Variants in SLC35F4 observed in about 807,000 individuals in gnomAD.
The protein encoded by SLC35F4 is chromosome 14 open reading frame 36.
Under a neutral mutation model 44.2 loss-of-function variants are expected in SLC35F4, and 24 were observed. The observed-to-expected ratio is 0.54, with a 90% confidence interval of 0.39 to 0.76. The LOEUF (loss-of-function observed/expected upper bound fraction) is 0.76. Ranked by LOEUF, SLC35F4 falls within the 30% of genes least tolerant of loss-of-function variation. SLC35F4 has a pLI of 0.00. For missense variants in SLC35F4, 562 were observed against 586.1 expected (o/e 0.96, Z 0.42); for synonymous variants, 238 against 223.6 (o/e 1.06, Z -0.57).
intron 1 of SLC35F4, among the ~76,000 whole-genome samples, chr14:57,919,128 A>C (rs929836286): frequency 6.6e-6 from 1 of 152,236 alleles, no homozygotes; most frequent in African/African-American, 2.4e-5. Context: ...AGGAACCATG[A>C]GATGGAAGGA....
Position 57,704,849 on chromosome 14 carries a change from C to T in SLC35F4, c.104-110725G>A, listed in dbSNP as rs369420403. ...TGGCCTGTAATCACTCCTTTCCTAG[C>T]AATACTCAGGCAGAAGCTCACCCTG... On this transcript the variant is annotated intron_variant, in intron 1 of 7. Coordinates refer to ENST00000556826, the MANE Select transcript of SLC35F4 (RefSeq NM_001306087.2). Among the ~76,000 whole-genome samples the T allele has an allele frequency of 5.3e-5, 8 of 152,224 alleles. No individual in the cohort carries two copies. In the South Asian group the frequency reaches 1.5e-3, roughly 28 times the overall value.
chr14:57,980,403 T>C (rs1881341744), intron 1 of SLC35F4, among the ~76,000 whole-genome samples: 1 of 152,190 alleles, frequency 6.6e-6, no homozygotes, highest in African/African-American at 2.4e-5. Context: ...AAAAATGTTC[T>C]GGTGGGGTCC....
rs561516053 is a variant in SLC35F4, at chr14:57,843,308, A to G, written c.103+22415T>C. Among the ~76,000 whole-genome samples, 19 of 152,148 alleles carry G rather than the reference A, an allele frequency of 1.2e-4. 1 individual carries two copies. The East Asian group carries it at 3.3e-3, about 26-fold the overall frequency. ...CTCTAATTGCCCTGTTTGAGTTTGT[A>G]TCTGTTTCCTGCCAGGATCCTGACT... is the stretch of plus-strand genomic sequence containing the variant. On this transcript the variant is annotated intron_variant, in intron 1 of 7. Coordinates refer to ENST00000556826, the MANE Select transcript of SLC35F4 (RefSeq NM_001306087.2).
At chr14:57,973,492 A>T (rs1881115973), downstream of SLC35F4, among the ~76,000 whole-genome samples, 2 of 152,158 alleles carry the variant, frequency 1.3e-5, no homozygotes, top group African/African-American at 4.8e-5. Context: ...AGAGGCACAG[A>T]TCTCTGTGGT....
At chr14:57,832,892 A>T (rs575000293) in intron 1 of SLC35F4, among the ~76,000 whole-genome samples, 1 of 152,296 alleles carries the variant, frequency 6.6e-6, no homozygotes, top group East Asian at 1.9e-4. Flanking sequence ...AACGTGGTGA[A>T]ATATTTCAGG....
Position 57,808,109 on chromosome 14 carries a change from T to G in SLC35F4, c.103+57614A>C, listed in dbSNP as rs571150355. On this transcript the variant is annotated intron_variant, in intron 1 of 7. Transcript: ENST00000556826. ...ACCTGGGGATAATGGGAACTACAAT[T>G]CAAGGTGAGAGTTGGGTGGTGACAC... Among the ~76,000 whole-genome samples, 15 of 151,930 alleles carry G rather than the reference T, an allele frequency of 9.9e-5. No individual in the cohort carries two copies. In the South Asian group the frequency reaches 1.0e-3, roughly 11 times the overall value.
chr14:57,608,046 G>C (rs1166798761), intron 1 of SLC35F4, among the ~76,000 whole-genome samples: 1 of 152,144 alleles, frequency 6.6e-6, no homozygotes, highest in Admixed American at 6.5e-5. Flanking sequence ...GTGAGTTTAA[G>C]TGCATGAAAC....
At chr14:57,857,908 A>C (rs1887275973) in intron 1 of SLC35F4, among the ~76,000 whole-genome samples, 1 of 152,074 alleles carries the variant, frequency 6.6e-6, no homozygotes, top group Admixed American at 6.5e-5. Flanking sequence ...CATGGGCACA[A>C]TAATGTCATT....
At chr14:57,978,335 G>C (rs565727570) in intron 1 of SLC35F4, among the ~76,000 whole-genome samples, 1 of 152,130 alleles carries the variant, frequency 6.6e-6, no homozygotes, top group African/African-American at 2.4e-5. Flanking sequence ...TAATAGAATC[G>C]ACACATACTT....
At chr14:57,749,485 C>T (rs1024791303) in intron 1 of SLC35F4, among the ~76,000 whole-genome samples, 1 of 151,998 alleles carries the variant, frequency 6.6e-6, no homozygotes. Flanking sequence ...ACTGATCATA[C>T]ACAGCAGTAC....
intron 1 of SLC35F4, among the ~76,000 whole-genome samples, chr14:57,901,306 G>A (rs1483011061): frequency 1.3e-5 from 2 of 152,338 alleles, no homozygotes; most frequent in East Asian, 1.9e-4. Context: ...TAAAGAAAAT[G>A]TGGTACATAT....
intron 1 of SLC35F4, among the ~76,000 whole-genome samples, chr14:57,798,713 G>C (rs1008932606): frequency 6.6e-6 from 1 of 152,188 alleles, no homozygotes; most frequent in Non-Finnish European, 1.5e-5. Context: ...GCACATATCT[G>C]TTCTGTAATT....
chr14:57,709,023 G>A (rs1594849892), intron 1 of SLC35F4, among the ~76,000 whole-genome samples: 1 of 152,192 alleles, frequency 6.6e-6, no homozygotes, highest in East Asian at 1.9e-4. Flanking sequence ...GTATAGGATG[G>A]AACATGAAAG....
At chr14:57,712,886 G>C (rs760443546) in intron 1 of SLC35F4, among the ~76,000 whole-genome samples, 6 of 152,174 alleles carry the variant, frequency 3.9e-5, no homozygotes, top group African/African-American at 1.4e-4. Flanking sequence ...CAGTGAGTTA[G>C]AGCAGTAATT....
intron 1 of SLC35F4, among the ~76,000 whole-genome samples, chr14:57,678,406 C>T (rs763230549): frequency 1.3e-5 from 2 of 152,070 alleles, no homozygotes; most frequent in Admixed American, 6.6e-5. Flanking sequence ...GTGCAAGCCA[C>T]TGCAAAAACA....
At chr14:57,653,611 T>C (rs1594715822) in intron 1 of SLC35F4, among the ~76,000 whole-genome samples, 1 of 152,162 alleles carries the variant, frequency 6.6e-6, no homozygotes, top group East Asian at 1.9e-4. Context: ...AAAACAACTG[T>C]CAGAAACACA....
intron 1 of SLC35F4, among the ~76,000 whole-genome samples, chr14:57,749,038 C>T (rs1410853786): frequency 6.6e-6 from 1 of 152,064 alleles, no homozygotes; most frequent in African/African-American, 2.4e-5. Context: ...AAAACTTATC[C>T]AACAGATACA....
At chr14:57,673,561 C>T (rs1038090669) in intron 1 of SLC35F4, among the ~76,000 whole-genome samples, 1 of 152,038 alleles carries the variant, frequency 6.6e-6, no homozygotes, top group Non-Finnish European at 1.5e-5. Context: ...ATAGAAACTG[C>T]CTCATCAGGG....
intron 2 of SLC35F4, among the ~76,000 whole-genome samples, chr14:57,593,661 C>T (rs908226865): frequency 6.6e-6 from 1 of 152,180 alleles, no homozygotes; most frequent in African/African-American, 2.4e-5. Flanking sequence ...GATGAGAAAA[C>T]TACCTACCTT....
Sources: allele counts gnomAD v4.1 joint callset (sites outside exome capture counted in the v4.1 genomes callset), GRCh38; gene constraint gnomAD v4.1.1; transcripts MANE v1.5; gene names NCBI Gene and HGNC (gene_info 2026-07-23, HGNC 2026-07-21).